Variants in THSD4 observed in about 807,000 individuals in gnomAD.
THSD4 encodes thrombospondin type-1 domain-containing protein 4.
In THSD4, 69 loss-of-function variants were observed where a neutral mutation model predicts 119.0. That is an observed-to-expected ratio of 0.58 (90% CI 0.48 to 0.71). The LOEUF (loss-of-function observed/expected upper bound fraction) is 0.71, where lower values mean the gene tolerates loss of function less well. Among genes scored for constraint, THSD4 ranks in the 30% least tolerant of loss-of-function variants. The pLI is 0.00. For missense variants in THSD4, 1,393 were observed against 1,391.1 expected (o/e 1.00, Z -0.02); for synonymous variants, 524 against 540.4 (o/e 0.97, Z 0.42).
intron 8 of THSD4, among the ~76,000 whole-genome samples, chr15:71,728,168 G>A (rs568240373): frequency 2.6e-5 from 4 of 152,016 alleles, no homozygotes; most frequent in South Asian, 2.1e-4. Context: ...AAATCAGCTC[G>A]TGGGCTGCCA....
chr15:71,369,559 G>A (rs1203690859), intron 6 of THSD4, among the ~76,000 whole-genome samples: 1 of 152,108 alleles, frequency 6.6e-6, no homozygotes, highest in Non-Finnish European at 1.5e-5. Flanking sequence ...TTTGTCGTTG[G>A]TTCTGTTTAT....
chr15:71,667,570 T>A (rs2051440335), intron 8 of THSD4, among the ~76,000 whole-genome samples: 1 of 152,226 alleles, frequency 6.6e-6, no homozygotes. Flanking sequence ...CATGTTCTCC[T>A]AAAAGTTTTA....
chr15:71,482,132 A>G (rs1428286966), intron 7 of THSD4, among the ~76,000 whole-genome samples: 3 of 152,184 alleles, frequency 2.0e-5, no homozygotes, highest in African/African-American at 7.2e-5. Context: ...CTTTCCTATC[A>G]TAACAAGAAG....
chr15:71,547,176 G>C lies in THSD4; in HGVS notation c.1153-113354G>C, dbSNP rs1440678531. On this transcript the variant is annotated intron_variant, in intron 7 of 17. Transcript: ENST00000261862. The stretch of plus-strand genomic sequence containing the variant: ...GCCCCCCAGCTCCCAGCTGGCTCCT[G>C]TCCCCTCCCCCAGCCGGGAGAAGTT... The C allele has an allele frequency of 3.8e-6, 5 of 1,314,710 alleles. No homozygotes were observed. In the African/African-American group the frequency reaches 6.1e-5, roughly 16 times the overall value. 81.4% of individuals were successfully genotyped at this position (1,314,710 alleles called of 1,614,324 possible).
intron 6 of THSD4, among the ~76,000 whole-genome samples, chr15:71,269,331 A>T (rs1318615759): frequency 1.3e-5 from 2 of 152,240 alleles, no homozygotes; most frequent in Non-Finnish European, 2.9e-5. Flanking sequence ...TCACATAAAG[A>T]GAACCAATGA....
At chr15:71,728,432 A>G in intron 8 of THSD4, 117 bp from the exon 9 acceptor site, 2 of 1,252,218 alleles carry the variant, frequency 1.6e-6, no homozygotes, top group African/African-American at 3.0e-5. Context: ...TGCCTGGCAC[A>G]TAGTGGATCC....
intron 5 of THSD4, among the ~76,000 whole-genome samples, chr15:71,247,750 G>A (rs1020759955): frequency 2.0e-5 from 3 of 152,184 alleles, no homozygotes; most frequent in Admixed American, 6.5e-5. Context: ...AACACAGGGC[G>A]GAAGTCATGA....
At chr15:71,672,235 T>C (rs2051546515) in intron 8 of THSD4, among the ~76,000 whole-genome samples, 1 of 152,162 alleles carries the variant, frequency 6.6e-6, no homozygotes, top group African/African-American at 2.4e-5. Flanking sequence ...GGTATTTTAT[T>C]CTCTTTGAAG....
intron 6 of THSD4, among the ~76,000 whole-genome samples, chr15:71,330,476 G>T (rs1389617381): frequency 6.6e-6 from 1 of 152,182 alleles, no homozygotes; most frequent in East Asian, 1.9e-4. Context: ...TCCAGGCCAG[G>T]ATTGTGATTC....
chr15:71,752,485 AAAT>A (rs765078522), intron 14 of THSD4, among the ~76,000 whole-genome samples: 7 of 152,226 alleles, frequency 4.6e-5, no homozygotes, highest in African/African-American at 7.2e-5. Context: ...TGGTGTAAGT[AAAT>A]AATTTTTGCC....
intron 7 of THSD4, among the ~76,000 whole-genome samples, chr15:71,497,688 A>G (rs1478511981): frequency 2.0e-5 from 3 of 152,182 alleles, no homozygotes; most frequent in African/African-American, 7.2e-5. Context: ...GTGGAAAAGC[A>G]TTACTTGCCA....
At chr15:71,314,727 T>C (rs1372394232) in intron 6 of THSD4, among the ~76,000 whole-genome samples, 1 of 152,216 alleles carries the variant, frequency 6.6e-6, no homozygotes, top group Non-Finnish European at 1.5e-5. Flanking sequence ...TGCCACACCT[T>C]GGTTCAGTGT....
intron 6 of THSD4, chr15:71,348,397 G>A (rs376670353): frequency 1.4e-4 from 21 of 152,226 alleles, no homozygotes; most frequent in African/African-American, 4.8e-4. Flanking sequence ...GGCCCCGAAT[G>A]TCTGCCATAT....
intron 3 of THSD4, among the ~76,000 whole-genome samples, chr15:71,207,221 C>T (rs894901295): frequency 3.9e-5 from 6 of 152,226 alleles, no homozygotes; most frequent in Non-Finnish European, 5.9e-5. Flanking sequence ...AATTACCTCT[C>T]CTGTTCTTCT....
chr15:71,595,941 GCA>G (rs2049899879), intron 7 of THSD4, among the ~76,000 whole-genome samples: 1 of 152,178 alleles, frequency 6.6e-6, no homozygotes, highest in Non-Finnish European at 1.5e-5. Flanking sequence ...GAGAGACATA[GCA>G]CAGTTTTTCG....
At chr15:71,397,000 T>C (rs1489614170) in intron 6 of THSD4, among the ~76,000 whole-genome samples, 1 of 152,222 alleles carries the variant, frequency 6.6e-6, no homozygotes, top group African/African-American at 2.4e-5. Flanking sequence ...TGTTCAGGTT[T>C]TAAGTGTGCA....
chr15:71,704,162 A>G (rs1370246220), intron 8 of THSD4, among the ~76,000 whole-genome samples: 3 of 152,198 alleles, frequency 2.0e-5, no homozygotes, highest in East Asian at 3.8e-4. Flanking sequence ...AAACTCTACA[A>G]AGTTTTTAAC....
At chr15:71,103,724 C>T (rs2040262755) in intron 1 of THSD4, among the ~76,000 whole-genome samples, 1 of 152,062 alleles carries the variant, frequency 6.6e-6, no homozygotes, top group Admixed American at 6.5e-5. Flanking sequence ...TCAGCCTCTG[C>T]CACCACCACT....
chr15:71,747,054 G>T lies in THSD4; in HGVS notation c.2241+12G>T. On this transcript the variant is annotated intron_variant, in intron 13 of 17. Coordinates refer to ENST00000261862, the MANE Select transcript of THSD4 (RefSeq NM_024817.3). ...CCGACTGGACCTCGGTACGCAGGCA[G>T]GGCAGCCCGCTCTGCAGCTCCCTCT... 1 of 1,589,430 alleles carries T rather than the reference G, an allele frequency of 6.3e-7. No homozygotes were observed. Among genetic ancestry groups the T allele is most frequent in the South Asian group, 1.1e-5 (1 of 88,298 alleles).
Sources: allele counts gnomAD v4.1 joint callset (sites outside exome capture counted in the v4.1 genomes callset), GRCh38; gene constraint gnomAD v4.1.1; transcripts MANE v1.5; gene names NCBI Gene and HGNC (gene_info 2026-07-23, HGNC 2026-07-21).